Variants in CXCL13 observed in about 807,000 individuals in gnomAD.
The protein encoded by CXCL13 is C-X-C motif chemokine ligand 13.
CXCL13 carries 7 observed loss-of-function variants against 12.2 expected under a neutral mutation model. The ratio of observed to expected loss-of-function variants is 0.57; its 90% confidence interval spans 0.33 to 1.07. CXCL13 has a LOEUF of 1.07. Ranked by LOEUF, CXCL13 falls within the 50% of genes least tolerant of loss-of-function variation. The pLI, the probability that CXCL13 is intolerant of heterozygous loss-of-function variation, is 0.04. For missense variants in CXCL13, 113 were observed against 127.4 expected, an observed-to-expected ratio of 0.89 and a Z score of 0.55; for synonymous variants, 47 against 42.4, an observed-to-expected ratio of 1.11 and a Z score of -0.42.
chr4:77,592,353 C>A (rs1194912304), intron 1 of CXCL13, among the ~76,000 whole-genome samples: 1 of 152,076 alleles, frequency 6.6e-6, no homozygotes, highest in Non-Finnish European at 1.5e-5. Flanking sequence ...CATGTTCTCA[C>A]TTACATGTGG....
rs1270788757 is a variant in CXCL13 at position 77,611,497 on chromosome 4, G to A, written c.*458G>A. The A allele has an allele frequency of 1.0e-5, 4 of 395,146 alleles. No individual in the cohort carries two copies. Among genetic ancestry groups the A allele is most frequent in the African/African-American group, 8.2e-5 (4 of 48,548 alleles). The allele number at this position is 395,146 out of a possible 1,614,324, so 24.5% of individuals were successfully genotyped here. A position where few individuals can be genotyped will look rare whatever the true frequency, so the allele number is the denominator to read the frequency against. On this transcript the variant is annotated 3_prime_UTR_variant, in exon 4 of 4. Coordinates refer to ENST00000682537, the MANE Select transcript of CXCL13 (RefSeq NM_001371558.1). ...CAGATGGAACTTGAGCCTGTCAAGAGGCAAAGGAATCCATGTAGTAGATAT... is the reference window on the plus strand; with the variant it reads ...CAGATGGAACTTGAGCCTGTCAAGAAGCAAAGGAATCCATGTAGTAGATAT...
chr4:77,575,820 G>T (rs1372837433), intron 1 of CXCL13, among the ~76,000 whole-genome samples: 1 of 151,768 alleles, frequency 6.6e-6, no homozygotes, highest in Non-Finnish European at 1.5e-5. Context: ...TTGCCAAAAT[G>T]ATGTTCAATT....
At chr4:77,602,720 G>A (rs561350818), upstream of CXCL13, among the ~76,000 whole-genome samples, 1 of 152,116 alleles carries the variant, frequency 6.6e-6, no homozygotes, top group East Asian at 1.9e-4. Context: ...ACCAAGTTAT[G>A]TATTTTTATG....
rs528845265 is a variant in CXCL13 at position 77,545,422 on chromosome 4, T to C, written c.-43+33634T>C. Among the ~76,000 whole-genome samples the C allele has an allele frequency of 8.5e-5, 13 of 152,336 alleles. No individual in the cohort carries two copies. The South Asian group carries it at 2.7e-3, about 32-fold the overall frequency. On this transcript the variant is annotated intron_variant, in intron 1 of 4. Coordinates refer to the CXCL13 transcript ENST00000286758. The stretch of plus-strand genomic sequence containing the variant: ...TTTGATTGTGTCCTCTTTTATTTCC[T>C]TGAGCAGTGGTTTGTAGTTCTCCTT...
rs142918456 is a variant in CXCL13 at position 77,584,274 on chromosome 4, A to T, written c.-42-21550A>T. On this transcript the variant is annotated intron_variant, in intron 1 of 4. Coordinates refer to the CXCL13 transcript ENST00000286758. Reference sequence around the variant, plus strand: ...AGCACGCACCTTCCCAACTCCTCTCACATCACAGTTCTGTTCTTATTGCCT... The same window carrying T: ...AGCACGCACCTTCCCAACTCCTCTCTCATCACAGTTCTGTTCTTATTGCCT... 5.5e-3 allele frequency among the ~76,000 whole-genome samples: 830 copies of T among 152,286 alleles called. 11 individuals are homozygous for T. Among genetic ancestry groups the T allele is most frequent in the African/African-American group, 0.019 (795 of 41,542 alleles).
At chr4:77,518,175 G>T (rs984327869) in intron 1 of CXCL13, among the ~76,000 whole-genome samples, 9 of 152,328 alleles carry the variant, frequency 5.9e-5, no homozygotes, top group Non-Finnish European at 1.2e-4. Context: ...CTGTTAGTCT[G>T]ATGGGCTTCC....
intron 1 of CXCL13, among the ~76,000 whole-genome samples, chr4:77,551,821 A>C (rs1451012523): frequency 1.3e-5 from 2 of 152,148 alleles, no homozygotes; most frequent in Non-Finnish European, 2.9e-5. Flanking sequence ...TTACTGAGTT[A>C]GTTCAAAAGA....
At chr4:77,524,144 G>T (rs761186575) in intron 1 of CXCL13, among the ~76,000 whole-genome samples, 7 of 152,142 alleles carry the variant, frequency 4.6e-5, no homozygotes, top group Non-Finnish European at 8.8e-5. Flanking sequence ...GTGTCAGTTG[G>T]CTCCTACTGG....
At chr4:77,580,725 C>T (rs1182807371) in intron 1 of CXCL13, among the ~76,000 whole-genome samples, 4 of 110,210 alleles carry the variant, frequency 3.6e-5, no homozygotes, top group African/African-American at 6.9e-5. Context: ...CCTCCCCTCC[C>T]CTCCCCCTCT....
At chr4:77,610,743 G>C (rs368899779) in intron 3 of CXCL13, 49 bp downstream of exon 3, 184 of 1,399,534 alleles carry the variant, frequency 1.3e-4, no homozygotes, top group Middle Eastern at 3.5e-4. Flanking sequence ...GTACTGAAGA[G>C]TTTCCCTTTC....
At chr4:77,573,360 TTTTGTGTGTG>T (rs987610915) in intron 1 of CXCL13, among the ~76,000 whole-genome samples, 5 of 134,528 alleles carry the variant, frequency 3.7e-5, no homozygotes, top group Admixed American at 1.5e-4. Flanking sequence ...CTATTGGGTC[TTTTGTGTGTG>T]TGTGTGTGTG....
intron 1 of CXCL13, among the ~76,000 whole-genome samples, chr4:77,558,318 G>T (rs766074821): frequency 6.6e-6 from 1 of 152,184 alleles, no homozygotes. Flanking sequence ...CTTTGAGCAA[G>T]GGGAGAGGGC....
rs575662858 is a variant in CXCL13 at position 77,565,746 on chromosome 4, C to T, written c.-42-40078C>T. ...TAAATAATTCCTGTGCCTGTCATGA[C>T]GATGGTCACTTTCTACCTCATGTTA... is the stretch of plus-strand genomic sequence containing the variant. On this transcript the variant is annotated intron_variant, in intron 1 of 4. Coordinates refer to the CXCL13 transcript ENST00000286758. 6.6e-5 allele frequency among the ~76,000 whole-genome samples: 10 copies of T among 152,134 alleles called. No individual in the cohort carries two copies. The East Asian group carries it at 1.7e-3, about 26-fold the overall frequency.
At position 77,537,721 on chromosome 4, in the gene CXCL13, A is replaced by G. The variant is rs76341758; in HGVS notation, c.-43+25933A>G. ...CATTTGAGGTTTTTGTGCATGTGTG[A>G]TAATAGCACTCCAGTTTTCCTTTGC... On this transcript the variant is annotated intron_variant, in intron 1 of 4. Transcript: ENST00000286758. 4.4e-3 allele frequency among the ~76,000 whole-genome samples: 668 copies of G among 152,218 alleles called. 17 individuals carry two copies. The highest frequency in any genetic ancestry group is 0.026 in the East Asian group (136 of 5,176).
chr4:77,600,146 G>A (rs1391742052), intron 1 of CXCL13, among the ~76,000 whole-genome samples: 1 of 151,808 alleles, frequency 6.6e-6, no homozygotes, highest in East Asian at 1.9e-4. Flanking sequence ...GTATCTAGGA[G>A]GCCTCTATGA....
chr4:77,534,498 T>C (rs1725011654), intron 1 of CXCL13, among the ~76,000 whole-genome samples: 1 of 152,230 alleles, frequency 6.6e-6, no homozygotes, highest in Admixed American at 6.5e-5. Context: ...ACATCTTACA[T>C]ATTGTGTGAT....
intron 1 of CXCL13, among the ~76,000 whole-genome samples, chr4:77,536,789 A>G (rs1446451810): frequency 6.6e-6 from 1 of 152,180 alleles, no homozygotes; most frequent in East Asian, 1.9e-4. Flanking sequence ...ACTATCTCTG[A>G]TGCTTAGAAA....
At chr4:77,559,075 G>A (rs1313405625) in intron 1 of CXCL13, among the ~76,000 whole-genome samples, 1 of 152,132 alleles carries the variant, frequency 6.6e-6, no homozygotes, top group African/African-American at 2.4e-5. Context: ...TTCATCAACT[G>A]TGATTGTTTT....
At chr4:77,604,168 T>G (rs955273803), upstream of CXCL13, among the ~76,000 whole-genome samples, 1 of 152,212 alleles carries the variant, frequency 6.6e-6, no homozygotes, top group African/African-American at 2.4e-5. Context: ...ATGTTGTTTC[T>G]GAGGAGGCCC....
Sources: gnomAD v4.1 joint callset for allele counts (sites outside exome capture counted in the v4.1 genomes callset) on GRCh38, gnomAD v4.1.1 for gene constraint, MANE v1.5 for transcripts, NCBI Gene and HGNC (gene_info 2026-07-23, HGNC 2026-07-21) for gene names.